NAV2: variants seen among roughly 807,000 people sequenced by gnomAD.
NAV2 encodes neuron navigator 2, also known as helicase, APC down-regulated 1.
A neutral mutation model predicts 223.2 loss-of-function variants in NAV2; 54 were observed. The observed-to-expected ratio is 0.24, with a 90% confidence interval of 0.19 to 0.30. The LOEUF is 0.30. Among genes scored for constraint, NAV2 ranks in the 10% least tolerant of loss-of-function variants. NAV2 has a pLI of 1.00. For missense variants in NAV2, 2,806 were observed against 3,147.5 expected (o/e 0.89, Z 2.60); for synonymous variants, 1,279 against 1,239.3 (o/e 1.03, Z -0.67).
intron 3 of NAV2, among the ~76,000 whole-genome samples, chr11:19,843,935 T>C (rs892271599): frequency 1.3e-5 from 2 of 152,206 alleles, no homozygotes; most frequent in Non-Finnish European, 2.9e-5. Flanking sequence ...GCAGCCATTT[T>C]AGTTGGCTTT....
chr11:19,802,409 C>G (rs190117528), intron 1 of NAV2, among the ~76,000 whole-genome samples: 1 of 152,058 alleles, frequency 6.6e-6, no homozygotes, highest in East Asian at 1.9e-4. Context: ...TAGAGGAATA[C>G]GCCACACTGT....
intron 11 of NAV2, among the ~76,000 whole-genome samples, chr11:19,994,917 G>A (rs1565724761): frequency 6.6e-6 from 1 of 152,192 alleles, no homozygotes; most frequent in East Asian, 1.9e-4. Context: ...ATTGTTAGTA[G>A]CCCAGTGACT....
chr11:19,362,465 C>A (rs1854009537), intron 1 of NAV2, among the ~76,000 whole-genome samples: 1 of 151,968 alleles, frequency 6.6e-6, no homozygotes, highest in Non-Finnish European at 1.5e-5. Context: ...GAAATAAAAC[C>A]ACGATCATTA....
intron 1 of NAV2, among the ~76,000 whole-genome samples, chr11:19,523,746 G>C (rs148685952): frequency 1.3e-5 from 2 of 152,118 alleles, no homozygotes; most frequent in African/African-American, 4.8e-5. Flanking sequence ...TTCAGGACTC[G>C]TCACCATCTG....
intron 1 of NAV2, among the ~76,000 whole-genome samples, chr11:19,691,331 C>T (rs944923040): frequency 1.3e-5 from 2 of 151,994 alleles, no homozygotes; most frequent in African/African-American, 4.8e-5. Context: ...ATTCCCATTT[C>T]AACCTATAAT....
chr11:19,885,957 G>A (rs576191727), intron 5 of NAV2, among the ~76,000 whole-genome samples: 115 of 152,208 alleles, frequency 7.6e-4, no homozygotes, highest in Non-Finnish European at 1.1e-3. Context: ...AGGCTGGAGT[G>A]CAGATGCACT....
At chr11:19,931,621 A>G (rs2153266211) in intron 6 of NAV2, 1 of 132,362 alleles carries the variant, frequency 7.6e-6, no homozygotes, top group East Asian at 2.5e-4. Context: ...CAGAAGAAGC[A>G]GCCGTTAATC....
At chr11:19,889,699 C>T (rs1189680384) in intron 5 of NAV2, among the ~76,000 whole-genome samples, 1 of 152,146 alleles carries the variant, frequency 6.6e-6, no homozygotes, top group African/African-American at 2.4e-5. Flanking sequence ...CCATGACAAC[C>T]CAAGGAAAAC....
At chr11:20,046,968 A>G (rs183942559) in intron 14 of NAV2, among the ~76,000 whole-genome samples, 31 of 152,340 alleles carry the variant, frequency 2.0e-4, no homozygotes, top group Non-Finnish European at 4.3e-4. Context: ...ATGAACAGGA[A>G]TGTTTGAAAA....
chr11:19,824,654 C>A (rs147260022), intron 1 of NAV2, among the ~76,000 whole-genome samples: 1 of 152,086 alleles, frequency 6.6e-6, no homozygotes, highest in Non-Finnish European at 1.5e-5. Context: ...TACATTAAAC[C>A]GTTAAGGAGA....
chr11:19,839,680 T>C (rs913714677), intron 2 of NAV2, among the ~76,000 whole-genome samples: 1 of 152,258 alleles, frequency 6.6e-6, no homozygotes, highest in Non-Finnish European at 1.5e-5. Flanking sequence ...ACAAGCTATG[T>C]TGAAATGTTC....
intron 1 of NAV2, among the ~76,000 whole-genome samples, chr11:19,774,856 T>C (rs894827664): frequency 6.6e-6 from 1 of 152,192 alleles, no homozygotes; most frequent in African/African-American, 2.4e-5. Context: ...CCTTGTACCA[T>C]GAGTGGTATT....
intron 1 of NAV2, among the ~76,000 whole-genome samples, chr11:19,419,067 C>T (rs933545641): frequency 6.6e-6 from 1 of 152,072 alleles, no homozygotes; most frequent in Admixed American, 6.6e-5. Context: ...AGATGTATGC[C>T]TTGAGTCTGG....
chr11:19,774,979 A>T (rs998173619), intron 1 of NAV2, among the ~76,000 whole-genome samples: 4 of 152,112 alleles, frequency 2.6e-5, no homozygotes, highest in African/African-American at 9.7e-5. Context: ...GAACCTAATG[A>T]TGTTTTCCCA....
intron 1 of NAV2, among the ~76,000 whole-genome samples, chr11:19,388,603 G>A (rs1359950576): frequency 6.6e-6 from 1 of 152,190 alleles, no homozygotes; most frequent in Non-Finnish European, 1.5e-5. Flanking sequence ...GAGGGAGTGG[G>A]TGTGATGGCG....
At chr11:20,009,431 A>C (rs1937326323) in intron 11 of NAV2, among the ~76,000 whole-genome samples, 1 of 152,194 alleles carries the variant, frequency 6.6e-6, no homozygotes, top group Admixed American at 6.6e-5. Context: ...CCTGTGACAA[A>C]TGAGCTGTGA....
At chr11:19,827,193 G>A (rs1315304793) in intron 1 of NAV2, among the ~76,000 whole-genome samples, 2 of 152,156 alleles carry the variant, frequency 1.3e-5, no homozygotes, top group East Asian at 3.8e-4. Context: ...TATTACTACT[G>A]AGCATGTGGT....
chr11:19,762,205 T>TG (rs1456396741), intron 1 of NAV2, among the ~76,000 whole-genome samples: 2 of 152,178 alleles, frequency 1.3e-5, no homozygotes, highest in African/African-American at 4.8e-5. Flanking sequence ...ATTGCACCAC[T>TG]GCACTCCAGC....
chr11:19,869,063 A>G (rs1412801102), intron 4 of NAV2, 66 bp downstream of exon 4: 30 of 1,440,262 alleles, frequency 2.1e-5, no homozygotes, highest in Non-Finnish European at 2.5e-5. Context: ...GTTACTTATG[A>G]ATGATATTAA....
Sources: gnomAD v4.1 joint callset for allele counts (sites outside exome capture counted in the v4.1 genomes callset) on GRCh38, gnomAD v4.1.1 for gene constraint, MANE v1.5 for transcripts, NCBI Gene and HGNC (gene_info 2026-07-23, HGNC 2026-07-21) for gene names.